CAT: variants seen among roughly 807,000 people sequenced by gnomAD.
The protein encoded by CAT is epididymis secretory sperm binding protein.
Under a neutral mutation model 59.0 loss-of-function variants are expected in CAT, and 43 were observed. The ratio of observed to expected loss-of-function variants is 0.73; its 90% CI spans 0.57 to 0.94. The LOEUF (loss-of-function observed/expected upper bound fraction) is 0.94. CAT is among the 40% of genes least tolerant of loss of function. The pLI, the probability that CAT is intolerant of heterozygous loss-of-function variation, is 0.00. For synonymous variants in CAT, 218 were observed against 230.9 expected (o/e 0.94, Z 0.51); for missense variants, 664 against 682.9 (o/e 0.97, Z 0.31).
chr11:34,448,562 T>A (rs889120982), intron 1 of CAT, among the ~76,000 whole-genome samples: 3 of 152,218 alleles, frequency 2.0e-5, no homozygotes, highest in Admixed American at 2.0e-4. Flanking sequence ...TAAAATAACC[T>A]ATCCCATTTC....
chr11:34,469,726 C>G (rs1856754582), intron 11 of CAT, among the ~76,000 whole-genome samples: 2 of 151,686 alleles, frequency 1.3e-5, no homozygotes, highest in African/African-American at 4.8e-5. Context: ...ACTGCAGTGG[C>G]ATGATCTCGG....
intron 10 of CAT, among the ~76,000 whole-genome samples, chr11:34,466,767 C>T (rs545564350): frequency 3.0e-4 from 33 of 109,200 alleles, no homozygotes; most frequent in Admixed American, 6.7e-4. Context: ...GGCGACAGAG[C>T]GAGACTCCGT....
intron 4 of CAT, among the ~76,000 whole-genome samples, chr11:34,452,520 T>G (rs1856536257): frequency 6.6e-6 from 1 of 152,040 alleles, no homozygotes; most frequent in Non-Finnish European, 1.5e-5. Context: ...CTACATGCTC[T>G]GAGTCAGCAG....
At chr11:34,451,997 A>C in intron 3 of CAT, 80 bp from the exon 4 acceptor site, 1 of 1,454,812 alleles carries the variant, frequency 6.9e-7, no homozygotes, top group Non-Finnish European at 9.7e-7. Flanking sequence ...GGATGGATCC[A>C]GGTGCTTCTT....
intron 10 of CAT, among the ~76,000 whole-genome samples, chr11:34,466,364 G>C (rs1057213394): frequency 6.6e-6 from 1 of 152,116 alleles, no homozygotes; most frequent in Non-Finnish European, 1.5e-5. Context: ...AAGACCTTAT[G>C]ACTGAAAATC....
intron 1 of CAT, among the ~76,000 whole-genome samples, chr11:34,444,988 T>G (rs1856432444): frequency 6.6e-6 from 1 of 152,200 alleles, no homozygotes; most frequent in Non-Finnish European, 1.5e-5. Context: ...TTCTCTCATT[T>G]TTTGGAGGGG....
intron 9 of CAT, among the ~76,000 whole-genome samples, chr11:34,461,704 G>A (rs1196775422): frequency 6.6e-6 from 1 of 152,196 alleles, no homozygotes. Context: ...ATCCAGCTTG[G>A]GAGTTAGGTT....
chr11:34,459,248 A>C (rs893053792), intron 8 of CAT, among the ~76,000 whole-genome samples: 1 of 152,122 alleles, frequency 6.6e-6, no homozygotes, highest in Admixed American at 6.5e-5. Flanking sequence ...GAATATGTAG[A>C]TTGTCTTGTT....
Position 34,464,469 on chromosome 11 carries a change from T to C in CAT, c.1326+234T>C, listed in dbSNP as rs1856690724. Among the ~76,000 whole-genome samples, 5 of 152,202 alleles carry C rather than the reference T, an allele frequency of 3.3e-5. No homozygotes were observed. The South Asian group carries it at 1.0e-3, about 32-fold the overall frequency. On this transcript the variant is annotated intron_variant, in intron 10 of 12. Transcript: ENST00000241052. ...ACTCCGTCTCAGTTTCTTCAAACTT[T>C]ATTGAAGGGATATGGGGAGGGGGCA...
In CAT at chr11:34,453,080, T is replaced by G; in HGVS notation, c.481-10T>G. On this transcript the variant is annotated splice_polypyrimidine_tract_variant and intron_variant, in intron 4 of 12. Transcript: ENST00000241052. ...GTTTTTGGATTTTTTTCTCTCTTTT[T>G]TCTATTTAGTTTCCATCTTTTATCC... 6.4e-7 allele frequency: 1 copy of G among 1,569,878 alleles called. No homozygotes were observed. The highest frequency in any genetic ancestry group is 1.1e-5 in the South Asian group (1 of 90,206).
At chr11:34,456,528 C>A in intron 7 of CAT, 137 bp from the exon 8 acceptor site, 1 of 886,250 alleles carries the variant, frequency 1.1e-6, no homozygotes, top group Non-Finnish European at 1.9e-6. Flanking sequence ...AGGCACTCAT[C>A]TTAAATTCTT....
intron 1 of CAT, among the ~76,000 whole-genome samples, chr11:34,443,527 T>C (rs571056810): frequency 1.3e-5 from 2 of 152,072 alleles, no homozygotes; most frequent in African/African-American, 4.8e-5. Context: ...CTGCTTAGAA[T>C]GCCATGGGCT....
At position 34,449,503 on chromosome 11, in the gene CAT, G is replaced by A. The variant is rs1206138838; in HGVS notation, c.238+140G>A. ...AGAAAGGAAAAACATCCAGCAGTAGGGAAATTAGTAAATAAATGATGGTTA... is the reference window on the plus strand; with the variant it reads ...AGAAAGGAAAAACATCCAGCAGTAGAGAAATTAGTAAATAAATGATGGTTA... On this transcript the variant is annotated intron_variant, in intron 2 of 12. Coordinates refer to ENST00000241052, the MANE Select transcript of CAT (RefSeq NM_001752.4). The A allele has an allele frequency of 2.1e-5, 14 of 676,074 alleles. No individual in the cohort carries two copies. In the Admixed American group the frequency reaches 3.4e-4, roughly 17 times the overall value. The allele number at this position is 676,074 out of a possible 1,614,324, so 41.9% of individuals were successfully genotyped here.
At chr11:34,469,041 G>C (rs372800430) in intron 11 of CAT, among the ~76,000 whole-genome samples, 3 of 152,200 alleles carry the variant, frequency 2.0e-5, no homozygotes, top group African/African-American at 7.2e-5. Context: ...CTTCCAAAAG[G>C]CAGGCTAGAC....
At chr11:34,442,157 G>A (rs1459603155) in intron 1 of CAT, among the ~76,000 whole-genome samples, 2 of 152,136 alleles carry the variant, frequency 1.3e-5, no homozygotes, top group Non-Finnish European at 2.9e-5. Context: ...ATATTCCTTT[G>A]AAGTATATGT....
At chr11:34,466,860 G>T (rs933978107) in intron 10 of CAT, among the ~76,000 whole-genome samples, 4 of 148,612 alleles carry the variant, frequency 2.7e-5, no homozygotes, top group Admixed American at 2.7e-4. Context: ...TATAGAAAAA[G>T]AGTTGAATGG....
At chr11:34,454,992 C>T (rs2300181) in intron 6 of CAT, among the ~76,000 whole-genome samples, 34,273 of 150,128 alleles carry the variant, frequency 0.23, 4,140 homozygotes, top group South Asian at 0.34. Context: ...TATCCTAGGG[C>T]CCTAAGGTAG....
intron 10 of CAT, among the ~76,000 whole-genome samples, chr11:34,466,818 T>A (rs972976672): frequency 3.4e-5 from 5 of 149,204 alleles, no homozygotes; most frequent in Non-Finnish European, 7.4e-5. Context: ...AATAGATGAC[T>A]GCTTGAAGAA....
intron 2 of CAT, among the ~76,000 whole-genome samples, chr11:34,449,604 G>A (rs1160127067): frequency 6.6e-6 from 1 of 152,080 alleles, no homozygotes; most frequent in East Asian, 1.9e-4. Flanking sequence ...CATCATTGAA[G>A]GAATAAAAAT....
Sources: gnomAD v4.1 joint callset for allele counts (sites outside exome capture counted in the v4.1 genomes callset) on GRCh38, gnomAD v4.1.1 for gene constraint, MANE v1.5 for transcripts, NCBI Gene and HGNC (gene_info 2026-07-23, HGNC 2026-07-21) for gene names.